TRANK1: variants seen among roughly 807,000 people sequenced by gnomAD.
The protein encoded by TRANK1 is TPR and ankyrin repeat-containing protein 1.
A neutral mutation model predicts 266.0 loss-of-function variants in TRANK1; 198 were observed. The observed-to-expected ratio is 0.74, with a 90% CI of 0.66 to 0.84. The LOEUF is 0.84. TRANK1 is among the 40% of genes least tolerant of loss of function. The probability of loss-of-function intolerance (pLI) is 0.00; values close to 1 mark genes in which losing one functional copy is unlikely to be tolerated. For missense variants in TRANK1, 3,326 were observed against 3,634.6 expected (o/e 0.92, Z 2.18); for synonymous variants, 1,396 against 1,384.1 (o/e 1.01, Z -0.19).
chr3:36,915,312 T>A (rs1029277247), intron 1 of TRANK1, among the ~76,000 whole-genome samples: 1 of 152,242 alleles, frequency 6.6e-6, no homozygotes, highest in African/African-American at 2.4e-5. Flanking sequence ...GATGTTTTGA[T>A]GCATATAATG....
intron 8 of TRANK1, among the ~76,000 whole-genome samples, 167 bp from the exon 9 acceptor site, chr3:36,874,463 C>T (rs1207694962): frequency 6.6e-6 from 1 of 152,032 alleles, no homozygotes; most frequent in African/African-American, 2.4e-5. Flanking sequence ...CACTCAACTC[C>T]CTGAAGCAAG....
chr3:36,866,052 A>AAAAGAAAGAAAGAAAGAAAGAAAG (rs56714482), intron 9 of TRANK1, among the ~76,000 whole-genome samples: 2 of 127,758 alleles, frequency 1.6e-5, no homozygotes, highest in Non-Finnish European at 3.3e-5. Context: ...GACAGAAAGA[A>AAAAGAAAGAAAGAAAGAAAGAAAG]AAAGAAAGAA....
intron 9 of TRANK1, among the ~76,000 whole-genome samples, chr3:36,868,021 G>T (rs2079252085): frequency 6.6e-6 from 1 of 152,228 alleles, no homozygotes; most frequent in South Asian, 2.1e-4. Flanking sequence ...GTGCGGATGT[G>T]TGTGAGTGAG....
chr3:36,912,429 G>T (rs2080065234), intron 1 of TRANK1, among the ~76,000 whole-genome samples: 1 of 152,156 alleles, frequency 6.6e-6, no homozygotes, highest in South Asian at 2.1e-4. Flanking sequence ...ATTTTGGCTG[G>T]CACTGAGCAC....
At chr3:36,942,499 A>AG (rs2080509938) in intron 1 of TRANK1, among the ~76,000 whole-genome samples, 1 of 151,172 alleles carries the variant, frequency 6.6e-6, no homozygotes. Flanking sequence ...AAAAAAAAAA[A>AG]AAAAAAAGAA....
chr3:36,851,407 C>T, intron 15 of TRANK1: 1 of 1,093,884 alleles, frequency 9.1e-7, no homozygotes, highest in Non-Finnish European at 1.1e-6. Context: ...CTTGCTCCAA[C>T]TTGGGCATCC....
intron 21 of TRANK1, chr3:36,834,417 G>A (rs577846367): frequency 2.2e-5 from 5 of 223,770 alleles, no homozygotes; most frequent in East Asian, 2.1e-4. Context: ...TTTAGCAGGT[G>A]TGCATTAGTT....
chr3:36,922,190 A>G (rs1013621464), intron 1 of TRANK1, among the ~76,000 whole-genome samples: 1 of 152,104 alleles, frequency 6.6e-6, no homozygotes, highest in Non-Finnish European at 1.5e-5. Flanking sequence ...AAGCAGGGCA[A>G]TTAGCTCTGT....
chr3:36,907,487 C>T (rs1167143221), intron 2 of TRANK1, among the ~76,000 whole-genome samples: 2 of 115,174 alleles, frequency 1.7e-5, no homozygotes, highest in Non-Finnish European at 3.4e-5. Flanking sequence ...TTTTTTGAGA[C>T]GGAGTCTGGC....
At position 36,855,277 on chromosome 3, in the gene TRANK1, C is replaced by T. The variant is rs368037612; in HGVS notation, c.4445G>A (p.Arg1482His). ...KGVAFRFSDL[R>H]SLFHYASRNT... Reference sequence around the variant, plus strand: ...TCTGCTGGCATAATGGAACAGAGAGCGCAGATCGCTGAAGCGGAAGGCCAC... The same window carrying T: ...TCTGCTGGCATAATGGAACAGAGAGTGCAGATCGCTGAAGCGGAAGGCCAC... Residue 1482 changes from arginine (R) to histidine (H), a missense_variant, in exon 13 of 24, where the codon CGC (arginine) becomes CAC (histidine). By Grantham distance (29) the Arg-to-His change is conservative. Transcript: ENST00000645898. 11 of 1,613,916 alleles carry T rather than the reference C, an allele frequency of 6.8e-6. No homozygotes were observed. The highest frequency in any genetic ancestry group is 2.2e-5 in the East Asian group (1 of 44,900).
In TRANK1 at chr3:36,924,744, G is replaced by A. The variant is rs115339501; in HGVS notation, c.24-16290C>T. Among the ~76,000 whole-genome samples, 884 of 152,156 alleles carry A rather than the reference G, an allele frequency of 5.8e-3. 5 individuals carry two copies. The highest frequency in any genetic ancestry group is 9.6e-3 in the Non-Finnish European group (651 of 68,008). ...AACTGCCACCGGTGCGAAAGGCCAGGCCACTAAAAGGCAAAGCACCTCAAC... is the reference window on the plus strand; with the variant it reads ...AACTGCCACCGGTGCGAAAGGCCAGACCACTAAAAGGCAAAGCACCTCAAC... On this transcript the variant is annotated intron_variant, in intron 1 of 23. Transcript: ENST00000645898.
chr3:36,911,727 G>A (rs560002677), intron 1 of TRANK1, among the ~76,000 whole-genome samples: 2 of 152,038 alleles, frequency 1.3e-5, no homozygotes, highest in Non-Finnish European at 2.9e-5. Context: ...TGGCTCCGTT[G>A]TTGGGTCTTT....
Position 36,871,321 on chromosome 3 carries a change from G to A in TRANK1, c.1078+2805C>T, listed in dbSNP as rs550629482. 2.0e-5 allele frequency among the ~76,000 whole-genome samples: 3 copies of A among 152,298 alleles called. No homozygotes were observed. In the East Asian group the frequency reaches 5.8e-4, roughly 29 times the overall value. ...GAGAAACGCTTGAACCGGGGAGGCGGAGGTTGCAGTGAGCCAAGATCGTGC... is the reference window on the plus strand; with the variant it reads ...GAGAAACGCTTGAACCGGGGAGGCGAAGGTTGCAGTGAGCCAAGATCGTGC... On this transcript the variant is annotated intron_variant, in intron 9 of 23. Transcript: ENST00000645898.
chr3:36,933,311 A>G (rs917495554), intron 1 of TRANK1, among the ~76,000 whole-genome samples: 2 of 152,274 alleles, frequency 1.3e-5, no homozygotes, highest in African/African-American at 2.4e-5. Context: ...CCCTTTGTTC[A>G]GGTGTGCTGT....
chr3:36,872,934 G>GA (rs905531231), intron 9 of TRANK1, among the ~76,000 whole-genome samples: 3 of 152,082 alleles, frequency 2.0e-5, no homozygotes, highest in South Asian at 2.1e-4. Flanking sequence ...TCTAGAGGGG[G>GA]AAAAAATGAG....
chr3:36,892,165 G>T, intron 7 of TRANK1, 37 bp downstream of exon 7: 1 of 1,532,286 alleles, frequency 6.5e-7, no homozygotes. Context: ...AGGCTAGAAG[G>T]GCAGCTTGGA....
chr3:36,869,342 G>C (rs975980526), intron 9 of TRANK1, among the ~76,000 whole-genome samples: 1 of 152,188 alleles, frequency 6.6e-6, no homozygotes, highest in Non-Finnish European at 1.5e-5. Flanking sequence ...TAAGAGATAA[G>C]GACCACTGTT....
intron 12 of TRANK1, 142 bp downstream of exon 12, chr3:36,858,576 G>A: frequency 1.1e-6 from 1 of 939,740 alleles, no homozygotes; most frequent in East Asian, 2.9e-5. Flanking sequence ...GAGGGGCCAG[G>A]TGACATGGGC....
chr3:36,862,192 A>C (rs754358344), intron 10 of TRANK1, among the ~76,000 whole-genome samples: 25 of 152,174 alleles, frequency 1.6e-4, no homozygotes, highest in Non-Finnish European at 2.8e-4. Flanking sequence ...TGAAATTTAA[A>C]TTCAACAGGG....
Sources: gnomAD v4.1 joint callset for allele counts (sites outside exome capture counted in the v4.1 genomes callset) on GRCh38, gnomAD v4.1.1 for gene constraint, MANE v1.5 for transcripts, NCBI Gene and HGNC (gene_info 2026-07-23, HGNC 2026-07-21) for gene names.